The following IGSF9B variants were observed in gnomAD, a reference collection of about 807,000 sequenced individuals.
IGSF9B encodes the protein protein turtle homolog B.
Under a neutral mutation model 143.7 loss-of-function variants are expected in IGSF9B, and 48 were observed. The ratio of observed to expected loss-of-function variants is 0.33; its 90% confidence interval spans 0.26 to 0.42. The LOEUF (loss-of-function observed/expected upper bound fraction) is 0.42, where lower values mean the gene tolerates loss of function less well. Among genes scored for constraint, IGSF9B ranks in the 20% least tolerant of loss-of-function variants. The pLI is 1.00. For synonymous variants in IGSF9B, 903 were observed against 833.1 expected (o/e 1.08, Z -1.44); for missense variants, 1,706 against 1,980.0 (o/e 0.86, Z 2.63).
At position 133,930,985 on chromosome 11, in the gene IGSF9B, G is replaced by T. The variant is rs200080271; in HGVS notation, c.1518C>A (p.Ile506=). ...SITASTHLTV[I]GTSPHAPGSV... ...GGCCCAGCCTTGCCGGCCACGTACCGATGACGGTGAGGTGGGTGCTGGCAG... is the reference window on the plus strand; with the variant it reads ...GGCCCAGCCTTGCCGGCCACGTACCTATGACGGTGAGGTGGGTGCTGGCAG... The change falls in exon 11 of 20, where the codon ATC becomes ATA. Residue 506 remains isoleucine, a splice_region_variant and synonymous_variant. Transcript: ENST00000533871. 1 of 1,609,610 alleles carries T rather than the reference G, an allele frequency of 6.2e-7. No homozygotes were observed. The highest frequency in any genetic ancestry group is 1.1e-5 in the South Asian group (1 of 90,414).
At chr11:133,936,844 C>T (rs890797914) in intron 5 of IGSF9B, among the ~76,000 whole-genome samples, 3 of 152,202 alleles carry the variant, frequency 2.0e-5, no homozygotes, top group Admixed American at 6.5e-5. Flanking sequence ...ACCCCCCGAC[C>T]GGGACGCTGC....
chr11:133,925,692 G>A (rs199938974), intron 14 of IGSF9B, 47 bp downstream of exon 14: 113 of 1,535,438 alleles, frequency 7.4e-5, no homozygotes, highest in African/African-American at 2.3e-4. Context: ...GAGTCTTGTC[G>A]CTTCCCGGAT....
chr11:133,946,282 C>T, intron 1 of IGSF9B, 24 bp from the exon 2 acceptor site: 1 of 1,604,982 alleles, frequency 6.2e-7, no homozygotes, highest in South Asian at 1.1e-5. Context: ...CCAGGTTGGA[C>T]ACAGAAAGGA....
chr11:133,932,342 AGACAGACAGACACAGG>A, intron 7 of IGSF9B, 129 bp from the exon 8 acceptor site: 5 of 932,862 alleles, frequency 5.4e-6, no homozygotes, highest in Admixed American at 2.2e-5. Flanking sequence ...GCAGACAGAC[AGACAGACAGACACAGG>A]GACAGACAGA....
At chr11:133,914,354 G>A (rs1489587635) in intron 18 of IGSF9B, among the ~76,000 whole-genome samples, 2 of 152,150 alleles carry the variant, frequency 1.3e-5, no homozygotes. Flanking sequence ...AATCCACAAA[G>A]GTATAGCAGC....
Position 133,913,705 on chromosome 11 carries a change from G to C in IGSF9B, c.3984-1698C>G, listed in dbSNP as rs762695490. 6.6e-6 allele frequency among the ~76,000 whole-genome samples: 1 copy of C among 152,210 alleles called. No individual in the cohort carries two copies. The highest frequency in any genetic ancestry group is 2.4e-5 in the African/African-American group (1 of 41,458). ...AGTCTACCCAGAGAGATCCTACAGC[G>C]CAGCAGCAGCTGGGAAGGAAGCGGG... On this transcript the variant is annotated intron_variant, in intron 18 of 19. Transcript: ENST00000533871. This position sits in a 1 kb window ranked among gnomAD's most constrained non-coding sequence, Gnocchi z 4.6.
intron 18 of IGSF9B, 55 bp downstream of exon 18, chr11:133,919,672 AGGGCAGGGCGAGGCG>A (rs1939472458): frequency 1.0e-6 from 1 of 995,874 alleles, no homozygotes; most frequent in Non-Finnish European, 1.4e-6. Context: ...GACGGGGTGG[AGGGCAGGGCGAGGCG>A]GGTGGGGGAA....
intron 6 of IGSF9B, 58 bp downstream of exon 6, chr11:133,935,994 GC>G: frequency 6.3e-7 from 1 of 1,581,938 alleles, no homozygotes; most frequent in Admixed American, 1.7e-5. Context: ...CTGCTCAGGG[GC>G]CCTGCCCGTG....
Position 133,909,355 on chromosome 11 carries a change from C to T in IGSF9B, c.4106-78G>A. On this transcript the variant is annotated intron_variant, in intron 19 of 19. Transcript: ENST00000533871. This position sits in a 1 kb window ranked among gnomAD's most constrained non-coding sequence, Gnocchi z 4.2. ...GCACGCAGCCTGCTCACCTTTTCCA[C>T]CTGCATTTGTTCCGGGTTTCTAATG... 1 of 1,140,398 alleles carries T rather than the reference C, an allele frequency of 8.8e-7. No individual in the cohort carries two copies. The highest frequency in any genetic ancestry group is 1.3e-6 in the Non-Finnish European group (1 of 790,806). The allele number at this position is 1,140,398 out of a possible 1,614,324, so 70.6% of individuals were successfully genotyped here.
At chr11:133,921,984 A>G (rs529095084) in intron 17 of IGSF9B, among the ~76,000 whole-genome samples, 193 bp downstream of exon 17, 1 of 152,286 alleles carries the variant, frequency 6.6e-6, no homozygotes, top group East Asian at 1.9e-4. Context: ...ACAACTTACA[A>G]TTAACACACA....
chr11:133,955,508 C>G (rs1277571610), intron 1 of IGSF9B, among the ~76,000 whole-genome samples: 1 of 152,222 alleles, frequency 6.6e-6, no homozygotes, highest in Admixed American at 6.5e-5. Context: ...ACCCGGCGCC[C>G]CATGCCGCTG....
intron 18 of IGSF9B, chr11:133,919,125 G>GGGA: frequency 8.7e-6 from 3 of 345,290 alleles, no homozygotes; most frequent in Admixed American, 3.2e-5. Flanking sequence ...ATACGGGGGG[G>GGGA]GGGTGGGGGA....
At chr11:133,930,328 A>G (rs907962981) in intron 11 of IGSF9B, among the ~76,000 whole-genome samples, 2 of 152,060 alleles carry the variant, frequency 1.3e-5, no homozygotes, top group Non-Finnish European at 2.9e-5. Context: ...AGGAACCTAC[A>G]CTAGAGAAAC....
At chr11:133,934,044 T>C (rs1939779924) in intron 7 of IGSF9B, among the ~76,000 whole-genome samples, 1 of 151,734 alleles carries the variant, frequency 6.6e-6, no homozygotes, top group Non-Finnish European at 1.5e-5. Flanking sequence ...CTCTGAACAC[T>C]GCTTTTTAGC....
chr11:133,903,622 G>A lies in IGSF9B; in HGVS notation c.*5447C>T, dbSNP rs1271021195. ...ATGGGATCCCTCAGGGGATGGTGGT[G>A]TCTTTGGACCAAATTCAATCTACTG... On this transcript the variant is annotated 3_prime_UTR_variant, in exon 20 of 20. Transcript: ENST00000533871. Among the ~76,000 whole-genome samples, 2 of 152,230 alleles carry A rather than the reference G, an allele frequency of 1.3e-5. No individual in the cohort carries two copies. Among genetic ancestry groups the A allele is most frequent in the Non-Finnish European group, 2.9e-5 (2 of 68,048 alleles).
At position 133,936,174 on chromosome 11, in the gene IGSF9B, GGGAGA is replaced by G. The variant is rs1330402178; in HGVS notation, c.695_699del (p.Val232AlafsTer3). ...ATGTTGACGGTGATGTTCTCAGGAG[GGGAGA>G]CGATGAAAGGGGGCCCTGGGGAGAG... On this transcript the variant is annotated frameshift_variant, in exon 6 of 20. Transcript: ENST00000533871. LOFTEE classifies it high-confidence loss of function. 1 of 1,611,138 alleles carries G rather than the reference GGGAGA, an allele frequency of 6.2e-7. No homozygotes were observed. The highest frequency in any genetic ancestry group is 8.5e-7 in the Non-Finnish European group (1 of 1,178,866).
chr11:133,930,791 G>A (rs1004048248), intron 11 of IGSF9B, among the ~76,000 whole-genome samples, 193 bp downstream of exon 11: 34 of 152,238 alleles, frequency 2.2e-4, no homozygotes, highest in Admixed American at 1.8e-3. Context: ...CAGGAGCCAC[G>A]CTGCCCTTCC....
In IGSF9B at chr11:133,931,432, A is replaced by C. The variant is rs773890976; in HGVS notation, c.1368+21T>G. On this transcript the variant is annotated intron_variant, in intron 10 of 19. Transcript: ENST00000533871. The surrounding 1 kb of genome is among the most constrained non-coding windows in gnomAD (Gnocchi z 7.7). ...GGCCCTCACACCTCCCTGCAGACCC[A>C]GGGCTCCAGGGCCCAGGTACCTTTC... 231 of 1,558,214 alleles carry C rather than the reference A, an allele frequency of 1.5e-4. 1 individual carries two copies. The highest frequency in any genetic ancestry group is 3.4e-4 in the Middle Eastern group (2 of 5,924).
Position 133,908,995 on chromosome 11 carries a change from C to T in IGSF9B, c.*74G>A. 2 of 1,293,370 alleles carry T rather than the reference C, an allele frequency of 1.5e-6. No individual in the cohort carries two copies. The highest frequency in any genetic ancestry group is 1.5e-5 in the African/African-American group (1 of 68,058). 80.1% of individuals were successfully genotyped at this position (1,293,370 alleles called of 1,614,324 possible). A position where few individuals can be genotyped will look rare whatever the true frequency, so the allele number is the denominator to read the frequency against. On this transcript the variant is annotated 3_prime_UTR_variant, in exon 20 of 20. Coordinates refer to ENST00000533871, the MANE Select transcript of IGSF9B (RefSeq NM_001277285.4). ...GCCGCCCTTGGCAGACGGAGGAGGA[C>T]ACACCCCCACACAGTGGCCCTCCCT... is the stretch of plus-strand genomic sequence containing the variant.
Sources: gnomAD v4.1 joint callset for allele counts (sites outside exome capture counted in the v4.1 genomes callset) on GRCh38, gnomAD v4.1.1 for gene constraint, Gnocchi (gnomAD v3.1) non-coding constraint, MANE v1.5 for transcripts, NCBI Gene and HGNC (gene_info 2026-07-23, HGNC 2026-07-21) for gene names.